ERBIN: variants seen among roughly 807,000 people sequenced by gnomAD.
ERBIN encodes the protein densin-180-like protein.
Under a neutral mutation model 158.4 loss-of-function variants are expected in ERBIN, and 60 were observed. That is an observed-to-expected ratio of 0.38 (90% CI 0.31 to 0.47). The LOEUF (loss-of-function observed/expected upper bound fraction) is 0.47. Ranked by LOEUF, ERBIN falls within the 20% of genes least tolerant of loss-of-function variation. ERBIN has a pLI of 0.99. For missense variants in ERBIN, 1,610 were observed against 1,648.0 expected (o/e 0.98, Z 0.40); for synonymous variants, 594 against 557.2 (o/e 1.07, Z -0.93).
chr5:66,040,785 G>A (rs545869900), intron 15 of ERBIN, among the ~76,000 whole-genome samples: 1 of 151,578 alleles, frequency 6.6e-6, no homozygotes, highest in South Asian at 2.1e-4. Flanking sequence ...GACAGGTATC[G>A]TGCTAGAGCT....
chr5:65,928,013 A>G (rs1015417975), intron 1 of ERBIN, among the ~76,000 whole-genome samples: 1 of 152,174 alleles, frequency 6.6e-6, no homozygotes, highest in African/African-American at 2.4e-5. Flanking sequence ...CTAAATATAT[A>G]TTGATGTTTA....
chr5:65,959,789 A>G (rs1175615840), intron 1 of ERBIN, among the ~76,000 whole-genome samples: 5 of 152,198 alleles, frequency 3.3e-5, no homozygotes, highest in Admixed American at 1.3e-4. Flanking sequence ...ACCCATACAA[A>G]TAATTTAAAA....
intron 1 of ERBIN, among the ~76,000 whole-genome samples, chr5:65,943,290 C>T (rs1745298213): frequency 6.6e-6 from 1 of 152,204 alleles, no homozygotes; most frequent in South Asian, 2.1e-4. Flanking sequence ...TAATCAGGCA[C>T]TTGCATTACC....
chr5:66,029,288 T>G (rs1485700907), intron 14 of ERBIN, among the ~76,000 whole-genome samples: 2 of 152,200 alleles, frequency 1.3e-5, no homozygotes. Context: ...CAAAATAGAA[T>G]GTACAATTTA....
chr5:65,939,472 G>T (rs1159086866), intron 1 of ERBIN, among the ~76,000 whole-genome samples: 1 of 151,948 alleles, frequency 6.6e-6, no homozygotes, highest in African/African-American at 2.4e-5. Context: ...TACAGATCCA[G>T]CCCAGCATCT....
At chr5:65,977,931 G>A (rs946401115) in intron 1 of ERBIN, among the ~76,000 whole-genome samples, 2 of 144,914 alleles carry the variant, frequency 1.4e-5, no homozygotes, top group Admixed American at 6.8e-5. Context: ...GAGGCTGGCG[G>A]ATCACTCGCG....
intron 1 of ERBIN, among the ~76,000 whole-genome samples, chr5:65,937,428 TA>T (rs974773767): frequency 7.9e-5 from 12 of 152,360 alleles, no homozygotes; most frequent in South Asian, 6.2e-4. Context: ...TTATCAATAG[TA>T]AATCCCCAAA....
rs764645736 is a variant in ERBIN at position 66,054,300 on chromosome 5, C to A, written c.2982C>A (p.Ser994=). ...SAAVKDTLWH[S]KQNPQIDHAS... Reference sequence around the variant, plus strand: ...CAGTCAAAGACACTTTGTGGCACTCCAAACAAAATCCCCAAATAGACCATG... The same window carrying A: ...CAGTCAAAGACACTTTGTGGCACTCAAAACAAAATCCCCAAATAGACCATG... The change falls in exon 21 of 26, where the codon TCC becomes TCA. Residue 994 remains serine (S), a synonymous_variant. Transcript: ENST00000284037. 6.2e-7 allele frequency: 1 copy of A among 1,614,118 alleles called. No individual in the cohort carries two copies. Among genetic ancestry groups the A allele is most frequent in the Admixed American group, 1.7e-5 (1 of 60,016 alleles).
At chr5:65,989,500 C>G (rs539334865) in intron 2 of ERBIN, among the ~76,000 whole-genome samples, 2 of 152,168 alleles carry the variant, frequency 1.3e-5, no homozygotes, top group Non-Finnish European at 2.9e-5. Flanking sequence ...AGAGCCCAAT[C>G]TAATCTTTCT....
intron 4 of ERBIN, among the ~76,000 whole-genome samples, chr5:65,998,894 CAAAAAA>C (rs34966696): frequency 1.4e-5 from 1 of 69,910 alleles, no homozygotes; most frequent in Admixed American, 1.7e-4. Flanking sequence ...GACCCTGTCT[CAAAAAA>C]AAAAAAAAAA....
chr5:66,026,326 G>T lies in ERBIN; in HGVS notation c.1045G>T (p.Val349Leu), dbSNP rs754950916. The change falls in exon 13 of 26, where the codon GTG becomes TTG. Residue 349 changes from valine to leucine, a missense_variant. Physicochemically the swap from Val to Leu is conservative, Grantham distance 32. This residue lies in a region of ERBIN where 596 missense variants were observed against 711.9 expected (regional missense o/e 0.84). Coordinates refer to ENST00000284037, the MANE Select transcript of ERBIN (RefSeq NM_001253697.2). ...PEIGSWKNITVLFLHSNKLET... is the reference protein window; with the variant it reads ...PEIGSWKNITLLFLHSNKLET... ...GATTGGAAGCTGGAAAAATATAACT[G>T]TGCTGTTTCTCCATTCCAATAAACT... The T allele has an allele frequency of 1.1e-5, 17 of 1,591,754 alleles. No individual in the cohort carries two copies. Among genetic ancestry groups the T allele is most frequent in the Non-Finnish European group, 1.5e-5 (17 of 1,171,170 alleles).
chr5:65,935,387 C>G (rs1219942196), intron 1 of ERBIN, among the ~76,000 whole-genome samples: 2 of 152,134 alleles, frequency 1.3e-5, no homozygotes, highest in Non-Finnish European at 2.9e-5. Flanking sequence ...TAACTTATCT[C>G]TAACAGTGAG....
In ERBIN at chr5:66,076,946, T is replaced by G. The variant is rs541038973; in HGVS notation, c.4128T>G (p.Ile1376Met). ...TACTGCAGCCAGGTGATAAAATTAT[T>G]CAGGTAATTAAAATAAATCTTTTTT... is the stretch of plus-strand genomic sequence containing the variant. ...SKLLQPGDKI[I>M]QANGYSFINI... is the part of the protein sequence containing the mutation. The change falls in exon 25 of 26, where the codon ATT becomes ATG. Residue 1376 changes from isoleucine (I) to methionine (M), a missense_variant. Around this residue, in one of 2 missense-constraint regions of ERBIN, gnomAD observed 1,014 missense variants for 936.1 expected, o/e 1.08. Coordinates refer to ENST00000284037, the MANE Select transcript of ERBIN (RefSeq NM_001253697.2). The G allele has an allele frequency of 4.2e-5, 67 of 1,588,904 alleles. No homozygotes were observed. In the South Asian group the frequency reaches 7.0e-4, roughly 17 times the overall value.
At chr5:65,980,300 C>A (rs1164644110) in intron 1 of ERBIN, among the ~76,000 whole-genome samples, 1 of 151,804 alleles carries the variant, frequency 6.6e-6, no homozygotes, top group Non-Finnish European at 1.5e-5. Context: ...CGGTGTCGGG[C>A]GCCTGTAGTC....
chr5:66,068,864 C>T, intron 21 of ERBIN: 1 of 1,524,846 alleles, frequency 6.6e-7, no homozygotes, highest in East Asian at 2.5e-5. Context: ...AAATCTATCC[C>T]CTCTTTATTC....
At chr5:66,001,056 G>T (rs1444755341) in intron 4 of ERBIN, among the ~76,000 whole-genome samples, 1 of 152,078 alleles carries the variant, frequency 6.6e-6, no homozygotes. Flanking sequence ...TTAGGTCGAT[G>T]TGGCTGGATG....
At chr5:65,961,233 A>C (rs954114780) in intron 1 of ERBIN, 5 of 152,168 alleles carry the variant, frequency 3.3e-5, no homozygotes, top group African/African-American at 1.2e-4. Context: ...AGTGGCCTTA[A>C]TTATGCACAA....
At chr5:65,979,299 A>T (rs1260245983) in intron 1 of ERBIN, among the ~76,000 whole-genome samples, 1 of 151,572 alleles carries the variant, frequency 6.6e-6, no homozygotes, top group Non-Finnish European at 1.5e-5. Context: ...GTGGTGGTGC[A>T]TGCCTGTAGT....
intron 24 of ERBIN, 133 bp downstream of exon 24, chr5:66,076,541 G>A (rs1371936790): frequency 2.7e-6 from 2 of 729,202 alleles, no homozygotes; most frequent in Non-Finnish European, 4.6e-6. Context: ...CCACTCTATT[G>A]CTTACCTTTT....
Sources: gnomAD v4.1 joint callset for allele counts (sites outside exome capture counted in the v4.1 genomes callset) on GRCh38, gnomAD v4.1.1 for gene constraint, gnomAD v4.1.1 regional missense constraint, MANE v1.5 for transcripts, NCBI Gene and HGNC (gene_info 2026-07-23, HGNC 2026-07-21) for gene names.